Variants in PDS5B observed in about 807,000 individuals in gnomAD.
PDS5B encodes sister chromatid cohesion protein PDS5 homolog B.
A neutral mutation model predicts 184.1 loss-of-function variants in PDS5B; 51 were observed. The observed-to-expected ratio is 0.28, with a 90% CI of 0.22 to 0.35. The LOEUF (loss-of-function observed/expected upper bound fraction) is 0.35, where lower values mean the gene tolerates loss of function less well. Ranked by LOEUF, PDS5B falls within the 10% of genes least tolerant of loss-of-function variation. The pLI is 1.00. For synonymous variants in PDS5B, 566 were observed against 569.2 expected (o/e 0.99, Z 0.08); for missense variants, 1,180 against 1,723.3 (o/e 0.68, Z 5.58).
intron 23 of PDS5B, among the ~76,000 whole-genome samples, chr13:32,744,417 T>C (rs1259044127): frequency 6.6e-6 from 1 of 152,150 alleles, no homozygotes; most frequent in Admixed American, 6.5e-5. Context: ...GGTGGGGGTC[T>C]CTGTCCTTTC....
At chr13:32,718,948 A>C (rs1952573773) in intron 19 of PDS5B, among the ~76,000 whole-genome samples, 1 of 152,236 alleles carries the variant, frequency 6.6e-6, no homozygotes, top group Non-Finnish European at 1.5e-5. Flanking sequence ...CTAGTAAATA[A>C]TTAGCAAGCA....
intron 1 of PDS5B, among the ~76,000 whole-genome samples, chr13:32,587,166 C>A (rs1040464324): frequency 1.3e-5 from 2 of 149,106 alleles, no homozygotes; most frequent in African/African-American, 4.9e-5. Context: ...CGCGGGCGCT[C>A]TCGCCCCCGC....
At chr13:32,612,814 C>A (rs1168505880) in intron 1 of PDS5B, among the ~76,000 whole-genome samples, 1 of 152,148 alleles carries the variant, frequency 6.6e-6, no homozygotes, top group Non-Finnish European at 1.5e-5. Flanking sequence ...TAGACGCTGG[C>A]CCCTCAATCT....
chr13:32,757,879 T>C (rs994753379), intron 26 of PDS5B, among the ~76,000 whole-genome samples: 1 of 152,110 alleles, frequency 6.6e-6, no homozygotes, highest in Non-Finnish European at 1.5e-5. Context: ...AGGGATCTTA[T>C]AAGCTCATAT....
chr13:32,760,698 T>C lies in PDS5B; in HGVS notation c.3496T>C (p.Ser1166Pro). The C allele has an allele frequency of 6.2e-7, 1 of 1,613,642 alleles. No homozygotes were observed. The highest frequency in any genetic ancestry group is 1.1e-5 in the South Asian group (1 of 91,010). The change falls in exon 30 of 35, where the codon TCT (serine) becomes CCT (proline). Residue 1166 changes from serine to proline, a missense_variant. By Grantham distance (74) the Ser-to-Pro change is moderately conservative. Transcript: ENST00000315596. ...TGCAAGCAGCAGCTCAAATCCAAGC[T>C]CTCCTGGAAGAATAAAGGGGAGGTA... ...SNASSSSNPS[S>P]PGRIKGRLDS... is the part of the protein sequence containing the mutation.
At chr13:32,731,543 T>TTG (rs1953123167) in intron 19 of PDS5B, among the ~76,000 whole-genome samples, 1 of 139,564 alleles carries the variant, frequency 7.2e-6, no homozygotes, top group Admixed American at 6.8e-5. Context: ...TCTCACAGTT[T>TTG]AACATAACAT....
At chr13:32,618,222 C>T (rs971559536) in intron 1 of PDS5B, among the ~76,000 whole-genome samples, 3 of 152,158 alleles carry the variant, frequency 2.0e-5, no homozygotes, top group Non-Finnish European at 4.4e-5. Context: ...GGAGGGGACA[C>T]ATTCTACTAA....
intron 1 of PDS5B, among the ~76,000 whole-genome samples, chr13:32,615,924 A>T (rs1566249852): frequency 2.0e-5 from 3 of 152,130 alleles, no homozygotes; most frequent in Admixed American, 1.3e-4. Flanking sequence ...GAATATTGAA[A>T]TTTTTTTATA....
At chr13:32,772,364 G>A (rs1422139719) in intron 33 of PDS5B, among the ~76,000 whole-genome samples, 1 of 152,160 alleles carries the variant, frequency 6.6e-6, no homozygotes, top group Non-Finnish European at 1.5e-5. Context: ...CGTGGTACTT[G>A]TTTTCATGGG....
At chr13:32,723,331 A>T (rs1566375277) in intron 19 of PDS5B, among the ~76,000 whole-genome samples, 1 of 152,176 alleles carries the variant, frequency 6.6e-6, no homozygotes, top group Non-Finnish European at 1.5e-5. Flanking sequence ...GGGTAGTGAG[A>T]TGCTGAGTTT....
In PDS5B at chr13:32,710,096, C is replaced by A; in HGVS notation, c.2113C>A (p.His705Asn). Residue 705 changes from histidine to asparagine, a missense_variant, in exon 19 of 35, where the codon CAC becomes AAC. By Grantham distance (68) the His-to-Asn change is moderately conservative. This residue lies in a region of PDS5B where 475 missense variants were observed against 691.5 expected (regional missense o/e 0.69). Coordinates refer to ENST00000315596, the MANE Select transcript of PDS5B (RefSeq NM_015032.4). ...AAGCAAAATTGAAGAGGATTTTCCA[C>A]ACATCAGATCGTGAGTTGAGTTTAT... ...TGSKIEEDFP[H>N]IRSALLPVLH... is the part of the protein sequence containing the mutation. 1.3e-6 allele frequency: 2 copies of A among 1,500,236 alleles called. No individual in the cohort carries two copies. The highest frequency in any genetic ancestry group is 1.4e-5 in the South Asian group (1 of 70,766). The allele number at this position is 1,500,236 out of a possible 1,614,324, so 92.9% of individuals were successfully genotyped here. A position where few individuals can be genotyped will look rare whatever the true frequency, so the allele number is the denominator to read the frequency against.
At chr13:32,588,127 G>GT (rs1424817820) in intron 1 of PDS5B, among the ~76,000 whole-genome samples, 6 of 152,180 alleles carry the variant, frequency 3.9e-5, no homozygotes, top group Admixed American at 1.3e-4. Context: ...TCTTCATGCA[G>GT]TACACATGTC....
chr13:32,777,283 T>G lies in PDS5B; in HGVS notation c.*2231T>G, dbSNP rs1160599061. 6.6e-6 allele frequency: 1 copy of G among 151,924 alleles called. No individual in the cohort carries two copies. Among genetic ancestry groups the G allele is most frequent in the Non-Finnish European group, 1.5e-5 (1 of 67,808 alleles). 9.4% of individuals were successfully genotyped at this position (151,924 alleles called of 1,614,324 possible). A position where few individuals can be genotyped will look rare whatever the true frequency, so the allele number is the denominator to read the frequency against. On this transcript the variant is annotated 3_prime_UTR_variant, in exon 35 of 35. Coordinates refer to ENST00000315596, the MANE Select transcript of PDS5B (RefSeq NM_015032.4). ...TTGTTATGTTCAATGCCAATGAGTC[T>G]GTAATTTTACGACCTGTCTGTTCTT...
intron 6 of PDS5B, among the ~76,000 whole-genome samples, chr13:32,662,910 C>T (rs759525204): frequency 6.6e-6 from 1 of 151,968 alleles, no homozygotes; most frequent in Non-Finnish European, 1.5e-5. Flanking sequence ...AAATGAGAAA[C>T]AATGGACATG....
chr13:32,770,492 A>G lies in PDS5B; in HGVS notation c.3996A>G (p.Arg1332=), dbSNP rs1954744456. The G allele has an allele frequency of 6.2e-7, 1 of 1,611,960 alleles. No homozygotes were observed. Among genetic ancestry groups the G allele is most frequent in the Non-Finnish European group, 8.5e-7 (1 of 1,179,614 alleles). Residue 1332 remains arginine, a synonymous_variant, in exon 32 of 35, where the codon AGA becomes AGG. Transcript: ENST00000315596. ...CAGAGGAGGAGGAAGAAGAAGAAAG[A>G]CAAAGTGGAAATACGGAACAGAAGT... ...PAPEEEEEEE[R]QSGNTEQKSK...
chr13:32,656,469 C>T (rs1407012035), intron 3 of PDS5B, among the ~76,000 whole-genome samples: 1 of 151,694 alleles, frequency 6.6e-6, no homozygotes, highest in Non-Finnish European at 1.5e-5. Flanking sequence ...TATCCATGAA[C>T]ATGGAATGAT....
chr13:32,755,056 C>G (rs547084010), intron 25 of PDS5B, among the ~76,000 whole-genome samples: 3 of 152,242 alleles, frequency 2.0e-5, no homozygotes, highest in African/African-American at 4.8e-5. Context: ...TACACACAAA[C>G]TGTTCTCTGT....
chr13:32,740,925 A>T (rs891556938), intron 21 of PDS5B, among the ~76,000 whole-genome samples, 155 bp from the exon 22 acceptor site: 9 of 150,918 alleles, frequency 6.0e-5, no homozygotes, highest in Non-Finnish European at 1.0e-4. Flanking sequence ...TTTTTTTTTT[A>T]AAGTAAATAG....
At chr13:32,718,046 C>T (rs961082717) in intron 19 of PDS5B, among the ~76,000 whole-genome samples, 3 of 151,884 alleles carry the variant, frequency 2.0e-5, no homozygotes, top group Admixed American at 1.3e-4. Context: ...ATACAGAGAG[C>T]GTTGGTACAA....
Sources: allele counts gnomAD v4.1 joint callset (sites outside exome capture counted in the v4.1 genomes callset), GRCh38; gene constraint gnomAD v4.1.1; regional missense constraint gnomAD v4.1.1; transcripts MANE v1.5; gene names NCBI Gene and HGNC (gene_info 2026-07-23, HGNC 2026-07-21).